HS2ST1: variants seen among roughly 807,000 people sequenced by gnomAD.
The protein encoded by HS2ST1 is heparan sulfate 2-O-sulfotransferase 1.
A neutral mutation model predicts 42.9 loss-of-function variants in HS2ST1; 18 were observed. The observed-to-expected ratio is 0.42, with a 90% CI of 0.29 to 0.62. The LOEUF (loss-of-function observed/expected upper bound fraction) is 0.62. HS2ST1 is among the 20% of genes least tolerant of loss of function. The pLI is 0.21. For missense variants in HS2ST1, 334 were observed against 433.8 expected (o/e 0.77, Z 2.04); for synonymous variants, 146 against 152.9 (o/e 0.95, Z 0.33).
intron 1 of HS2ST1, among the ~76,000 whole-genome samples, chr1:87,028,840 T>C (rs1650158352): frequency 6.6e-6 from 1 of 152,172 alleles, no homozygotes; most frequent in Non-Finnish European, 1.5e-5. Flanking sequence ...ATTATATTTG[T>C]ACTAAAAATA....
rs1057351897 is a variant in HS2ST1, at chr1:87,108,051, A to G, written c.*3355A>G. Reference sequence around the variant, plus strand: ...GTTGCTTTTTCTCAATATGTGTCCTATTGGAAATTCCTCAAATCGTTGGTG... The same window carrying G: ...GTTGCTTTTTCTCAATATGTGTCCTGTTGGAAATTCCTCAAATCGTTGGTG... On this transcript the variant is annotated 3_prime_UTR_variant, in exon 7 of 7. Coordinates refer to ENST00000370550, the MANE Select transcript of HS2ST1 (RefSeq NM_012262.4). The G allele has an allele frequency of 5.3e-5, 8 of 152,058 alleles. No homozygotes were observed. The highest frequency in any genetic ancestry group is 1.9e-4 in the African/African-American group (8 of 41,438). The allele number at this position is 152,058 out of a possible 1,614,324, so 9.4% of individuals were successfully genotyped here.
At chr1:87,033,764 A>G (rs2390216) in intron 1 of HS2ST1, among the ~76,000 whole-genome samples, 112,651 of 152,144 alleles carry the variant, frequency 0.74, 43,193 homozygotes, top group East Asian at 0.97. Flanking sequence ...GACTGGTCTC[A>G]AACTCCTGAC....
intron 1 of HS2ST1, among the ~76,000 whole-genome samples, chr1:87,033,920 A>G (rs1397603119): frequency 6.6e-6 from 1 of 152,220 alleles, no homozygotes; most frequent in Admixed American, 6.5e-5. Context: ...GAATAACAGT[A>G]TACCACCACA....
At chr1:86,957,261 G>A (rs1647700765) in intron 1 of HS2ST1, among the ~76,000 whole-genome samples, 1 of 152,088 alleles carries the variant, frequency 6.6e-6, no homozygotes, top group Admixed American at 6.5e-5. Context: ...TATTTAATTT[G>A]ACAATTTAAT....
chr1:86,941,645 G>A (rs1168747061), intron 1 of HS2ST1, among the ~76,000 whole-genome samples: 1 of 151,770 alleles, frequency 6.6e-6, no homozygotes, highest in East Asian at 1.9e-4. Flanking sequence ...ATTGTGGCGG[G>A]TGTCTGTAAT....
At chr1:87,036,551 A>G (rs931802504) in intron 1 of HS2ST1, among the ~76,000 whole-genome samples, 4 of 152,216 alleles carry the variant, frequency 2.6e-5, no homozygotes, top group African/African-American at 9.6e-5. Flanking sequence ...CTCAAAGATG[A>G]GAAAACATGG....
chr1:87,002,905 A>C (rs1009864877), intron 1 of HS2ST1, among the ~76,000 whole-genome samples: 5 of 152,206 alleles, frequency 3.3e-5, no homozygotes, highest in Non-Finnish European at 7.3e-5. Context: ...TTAGCAGTGG[A>C]ACTATTTAAT....
rs755192648 is a variant in HS2ST1 at position 86,935,964 on chromosome 1, G to A, written c.124+20804G>A. On this transcript the variant is annotated intron_variant, in intron 1 of 6. Coordinates refer to ENST00000370550, the MANE Select transcript of HS2ST1 (RefSeq NM_012262.4). ...ATACAATTATCAAACACAGGAAATC[G>A]ATGGTGGTATGATACTATTAATTAA... 7.2e-5 allele frequency among the ~76,000 whole-genome samples: 11 copies of A among 152,098 alleles called. No individual in the cohort carries two copies. The East Asian group carries it at 1.7e-3, about 24-fold the overall frequency.
At chr1:87,098,223 G>A in intron 5 of HS2ST1, 1 of 999,974 alleles carries the variant, frequency 1.0e-6, no homozygotes, top group South Asian at 4.3e-5. Flanking sequence ...CTTAGAGACT[G>A]GGGGTGGGGG....
chr1:87,019,113 G>T (rs945772410), intron 1 of HS2ST1, among the ~76,000 whole-genome samples: 1 of 152,136 alleles, frequency 6.6e-6, no homozygotes, highest in African/African-American at 2.4e-5. Context: ...TCAGCAATGT[G>T]GTGTTATGTG....
chr1:86,995,487 T>A (rs756075459), intron 1 of HS2ST1, among the ~76,000 whole-genome samples: 1 of 151,940 alleles, frequency 6.6e-6, no homozygotes, highest in South Asian at 2.1e-4. Context: ...ACATGAAGAG[T>A]AAGAGAGAAA....
chr1:87,064,423 A>G (rs1041214106), intron 1 of HS2ST1: 29 of 514,208 alleles, frequency 5.6e-5, no homozygotes, highest in Non-Finnish European at 1.0e-4. Flanking sequence ...AAGGGGCAAT[A>G]GTGAAACATA....
intron 1 of HS2ST1, among the ~76,000 whole-genome samples, chr1:86,988,750 T>C (rs910019240): frequency 1.3e-5 from 2 of 152,236 alleles, no homozygotes; most frequent in Non-Finnish European, 2.9e-5. Flanking sequence ...TACATCAATC[T>C]ATTCAAACGG....
At chr1:87,013,144 CA>C (rs1649651702) in intron 1 of HS2ST1, among the ~76,000 whole-genome samples, 1 of 152,174 alleles carries the variant, frequency 6.6e-6, no homozygotes, top group African/African-American at 2.4e-5. Context: ...GGTAGTTCCC[CA>C]GTGGGGACTC....
intron 1 of HS2ST1, among the ~76,000 whole-genome samples, chr1:87,055,856 G>A (rs141177982): frequency 0.01 from 1,584 of 152,206 alleles, 11 homozygotes; most frequent in Non-Finnish European, 0.017. Flanking sequence ...AAGAATGTCC[G>A]TCAGAAAGCA....
intron 1 of HS2ST1, among the ~76,000 whole-genome samples, chr1:87,023,258 A>G (rs1429613153): frequency 6.6e-6 from 1 of 152,192 alleles, no homozygotes; most frequent in South Asian, 2.1e-4. Flanking sequence ...CCTAAAGATA[A>G]ATAACGACTT....
intron 1 of HS2ST1, among the ~76,000 whole-genome samples, chr1:87,014,587 TAAAC>T (rs1000925502): frequency 4.6e-5 from 7 of 152,144 alleles, no homozygotes; most frequent in Non-Finnish European, 8.8e-5. Context: ...TCACTAATGT[TAAAC>T]AAACAAACAA....
At chr1:87,071,192 A>G (rs1337258939) in intron 1 of HS2ST1, among the ~76,000 whole-genome samples, 1 of 152,188 alleles carries the variant, frequency 6.6e-6, no homozygotes, top group African/African-American at 2.4e-5. Flanking sequence ...TTTGAATGCA[A>G]ATCCTCAGCT....
intron 1 of HS2ST1, among the ~76,000 whole-genome samples, chr1:87,004,713 T>G (rs572093440): frequency 6.6e-6 from 1 of 152,304 alleles, no homozygotes; most frequent in East Asian, 1.9e-4. Context: ...TCTAGAAATA[T>G]TCACAGTGCA....
Sources: gnomAD v4.1 joint callset for allele counts (sites outside exome capture counted in the v4.1 genomes callset) on GRCh38, gnomAD v4.1.1 for gene constraint, MANE v1.5 for transcripts, NCBI Gene and HGNC (gene_info 2026-07-23, HGNC 2026-07-21) for gene names.